ZNF362: variants seen among roughly 807,000 people sequenced by gnomAD.
ZNF362 encodes zinc finger protein 362, also known as rotund homolog.
ZNF362 carries 11 observed loss-of-function variants against 42.9 expected under a neutral mutation model. The ratio of observed to expected loss-of-function variants is 0.26; its 90% CI spans 0.16 to 0.42. The LOEUF (loss-of-function observed/expected upper bound fraction) is 0.42. ZNF362 is among the 20% of genes least tolerant of loss of function. The probability of loss-of-function intolerance (pLI) is 1.00; values close to 1 mark genes in which losing one functional copy is unlikely to be tolerated. For missense variants in ZNF362, 362 were observed against 576.2 expected (o/e 0.63, Z 3.81); for synonymous variants, 255 against 257.3 (o/e 0.99, Z 0.09).
chr1:33,262,415 TC>T (rs1645834914), intron 1 of ZNF362, among the ~76,000 whole-genome samples: 1 of 120,900 alleles, frequency 8.3e-6, no homozygotes, highest in Non-Finnish European at 1.6e-5. Flanking sequence ...CACCATTCTC[TC>T]CTGCCTCAGC....
At chr1:33,189,973 AC>A in the ZNF362 span, among the ~76,000 whole-genome samples, 1 of 151,818 alleles carries the variant, frequency 6.6e-6, no homozygotes, top group African/African-American at 2.4e-5. Flanking sequence ...CCTTACTTTA[AC>A]AGGAGGGCTA....
the ZNF362 span, among the ~76,000 whole-genome samples, chr1:33,184,117 G>A: frequency 1.3e-5 from 2 of 151,602 alleles, no homozygotes; most frequent in African/African-American, 4.9e-5. Context: ...CTGACTCCAA[G>A]CAGGTCTTTG....
At chr1:33,181,500 G>T in the ZNF362 span, 1 of 1,499,830 alleles carries the variant, frequency 6.7e-7, no homozygotes, top group Non-Finnish European at 8.8e-7. The surrounding 1 kb of genome is among the most constrained non-coding windows in gnomAD (Gnocchi z 6.5). Flanking sequence ...CGGCGCTGTC[G>T]GAGGCAGCAC....
the ZNF362 span, chr1:33,181,420 G>A: frequency 4.4e-6 from 7 of 1,598,502 alleles, no homozygotes; most frequent in Non-Finnish European, 5.1e-6. The surrounding 1 kb of genome is among the most constrained non-coding windows in gnomAD (Gnocchi z 6.5). Context: ...TCGTCCTTGA[G>A]GCTGCACGCC....
At chr1:33,174,227 G>C in the ZNF362 span, among the ~76,000 whole-genome samples, 1 of 151,404 alleles carries the variant, frequency 6.6e-6, no homozygotes, top group African/African-American at 2.4e-5. Context: ...GCCCAGGCTG[G>C]CTGTAGTGCA....
chr1:33,269,364 C>T (rs1645885714), intron 1 of ZNF362, among the ~76,000 whole-genome samples: 1 of 152,232 alleles, frequency 6.6e-6, no homozygotes, highest in South Asian at 2.1e-4. Context: ...GCCCCAGCTG[C>T]CTCCTGCCTT....
chr1:33,196,494 C>G, the ZNF362 span, among the ~76,000 whole-genome samples: 1 of 152,314 alleles, frequency 6.6e-6, no homozygotes, highest in South Asian at 2.1e-4. Context: ...AAGTCCACAT[C>G]TCGCCCCACT....
rs925565877 is a variant in ZNF362 at position 33,299,349 on chromosome 1, G to GTT, written c.*314_*315dup. 47 of 131,122 alleles carry GTT rather than the reference G, an allele frequency of 3.6e-4. No homozygotes were observed. Among genetic ancestry groups the GTT allele is most frequent in the South Asian group, 1.1e-3 (5 of 4,442 alleles). The allele number at this position is 131,122 out of a possible 1,614,324, so 8.1% of individuals were successfully genotyped here. On this transcript the variant is annotated 3_prime_UTR_variant, in exon 9 of 9. Transcript: ENST00000539719. Reference sequence around the variant, plus strand: ...TTGCTTCACTGTTTTTTTTTTTTTCGTTTTTTTTTTTTAAGTTTGTTTTGG... The same window carrying GTT: ...TTGCTTCACTGTTTTTTTTTTTTTCGTTTTTTTTTTTTTTAAGTTTGTTTTGG...
At chr1:33,236,572 T>TATATAC in the ZNF362 span, among the ~76,000 whole-genome samples, 2 of 98,704 alleles carry the variant, frequency 2.0e-5, no homozygotes, top group Non-Finnish European at 4.0e-5. Context: ...TATATATATA[T>TATATAC]ACATACACAC....
chr1:33,232,780 G>A, the ZNF362 span, among the ~76,000 whole-genome samples: 1 of 152,066 alleles, frequency 6.6e-6, no homozygotes, highest in Non-Finnish European at 1.5e-5. Context: ...ATTTAGTTGG[G>A]GTTTCTGTTC....
Position 33,277,757 on chromosome 1 carries a change from G to A in ZNF362, c.349+1163G>A, listed in dbSNP as rs193130563. ...GCACCGCCCTTGTGATGGAATCCCCGGAGAAAGAACAGGGTTGGGGAAAGA... is the reference window on the plus strand; with the variant it reads ...GCACCGCCCTTGTGATGGAATCCCCAGAGAAAGAACAGGGTTGGGGAAAGA... On this transcript the variant is annotated intron_variant, in intron 4 of 8. Coordinates refer to ENST00000539719, the MANE Select transcript of ZNF362 (RefSeq NM_152493.3). 7.7e-4 allele frequency among the ~76,000 whole-genome samples: 117 copies of A among 152,324 alleles called. 1 individual carries two copies. Among genetic ancestry groups the A allele is most frequent in the African/African-American group, 2.7e-3 (113 of 41,568 alleles).
chr1:33,281,055 TG>T lies in ZNF362; in HGVS notation c.684-531del, dbSNP rs1645990382. ...CTGCACTCCAACCTGGGTGACAGGG[TG>T]AGACTCTGTCTCAAACAACAACAAC... On this transcript the variant is annotated intron_variant, in intron 5 of 8. Transcript: ENST00000539719. The surrounding 1 kb of genome is among the most constrained non-coding windows in gnomAD (Gnocchi z 4.8). Among the ~76,000 whole-genome samples the T allele has an allele frequency of 7.5e-6, 1 of 132,640 alleles. No homozygotes were observed. The highest frequency in any genetic ancestry group is 1.6e-5 in the Non-Finnish European group (1 of 62,388). 87.0% of individuals were successfully genotyped at this position (132,640 alleles called of 152,430 possible).
the ZNF362 span, among the ~76,000 whole-genome samples, chr1:33,251,336 T>C: frequency 6.6e-6 from 1 of 152,196 alleles, no homozygotes; most frequent in Non-Finnish European, 1.5e-5. Flanking sequence ...CACCAAGTCC[T>C]GGTAGGGCTG....
chr1:33,165,454 GC>G, the ZNF362 span: 2 of 1,572,262 alleles, frequency 1.3e-6, no homozygotes, highest in South Asian at 2.3e-5. This position sits in a 1 kb window ranked among gnomAD's most constrained non-coding sequence, Gnocchi z 4.0. Context: ...CCACCTCCGC[GC>G]CCCGGCCAGG....
At chr1:33,180,855 G>A in the ZNF362 span, among the ~76,000 whole-genome samples, 1 of 15,056 alleles carries the variant, frequency 6.6e-5, no homozygotes, top group African/African-American at 3.0e-4. Context: ...CGGCGGCCCC[G>A]CCCCTCCCTG....
Position 33,297,511 on chromosome 1 carries a change from C to CTTTTTTTTTTTTTTTTTTTTTTTTTTT in ZNF362, c.1147-1418_1147-1417insTTTTTTTTTTTTTTTTTTTTTTTTTTT, listed in dbSNP as rs776504622. Among the ~76,000 whole-genome samples, 5 of 78,908 alleles carry CTTTTTTTTTTTTTTTTTTTTTTTTTTT rather than the reference C, an allele frequency of 6.3e-5. 2 individuals are homozygous for CTTTTTTTTTTTTTTTTTTTTTTTTTTT. Among genetic ancestry groups the CTTTTTTTTTTTTTTTTTTTTTTTTTTT allele is most frequent in the Non-Finnish European group, 6.9e-5 (3 of 43,472 alleles). The allele number at this position is 78,908 out of a possible 152,430, so 51.8% of individuals were successfully genotyped here. ...ATGATTTGGTGTATTTACATGATTC[C>CTTTTTTTTTTTTTTTTTTTTTTTTTTT]TCTTTTTTTTTTTTTTTTTGAGACG... On this transcript the variant is annotated intron_variant, in intron 8 of 8. Transcript: ENST00000539719.
intron 2 of ZNF362, among the ~76,000 whole-genome samples, chr1:33,274,570 G>T (rs1645928681): frequency 6.6e-6 from 1 of 152,224 alleles, no homozygotes. Context: ...GGAGCAGGGG[G>T]GCTGATAGAG....
the ZNF362 span, among the ~76,000 whole-genome samples, chr1:33,157,185 G>A: frequency 6.6e-6 from 1 of 152,170 alleles, no homozygotes; most frequent in Non-Finnish European, 1.5e-5. Context: ...CCCTCGTGGT[G>A]TCTGGCCACT....
intron 6 of ZNF362, among the ~76,000 whole-genome samples, chr1:33,288,788 G>A (rs1222047325): frequency 7.2e-6 from 1 of 139,476 alleles, no homozygotes; most frequent in Non-Finnish European, 1.5e-5. Context: ...AGAGTCAGGG[G>A]TGGACTTCCC....
Sources: gnomAD v4.1 joint callset for allele counts (sites outside exome capture counted in the v4.1 genomes callset) on GRCh38, gnomAD v4.1.1 for gene constraint, Gnocchi (gnomAD v3.1) non-coding constraint, MANE v1.5 for transcripts, NCBI Gene and HGNC (gene_info 2026-07-23, HGNC 2026-07-21) for gene names.